CLVS1: variants seen among roughly 807,000 people sequenced by gnomAD.
CLVS1 encodes clavesin 1.
CLVS1 carries 10 observed loss-of-function variants against 33.1 expected under a neutral mutation model. The observed-to-expected ratio is 0.30, with a 90% confidence interval of 0.19 to 0.51. CLVS1 has a LOEUF of 0.51. Among genes scored for constraint, CLVS1 ranks in the 20% least tolerant of loss-of-function variants. The pLI is 0.97. For synonymous variants in CLVS1, 163 were observed against 166.1 expected, an observed-to-expected ratio of 0.98 and a Z score of 0.14; for missense variants, 343 against 433.4, an observed-to-expected ratio of 0.79 and a Z score of 1.85.
At chr8:61,197,610 C>A (rs558999200) in intron 2 of CLVS1, among the ~76,000 whole-genome samples, 1 of 152,142 alleles carries the variant, frequency 6.6e-6, no homozygotes, top group Non-Finnish European at 1.5e-5. Flanking sequence ...ACCTCCACCT[C>A]CTGGGTTCAA....
At chr8:60,976,181 T>A in the CLVS1 span, among the ~76,000 whole-genome samples, 1 of 152,226 alleles carries the variant, frequency 6.6e-6, no homozygotes, top group Non-Finnish European at 1.5e-5. Context: ...AAGGAATTTT[T>A]AAAGAATATC....
intron 3 of CLVS1, among the ~76,000 whole-genome samples, chr8:61,384,636 A>G (rs1458158104): frequency 6.6e-6 from 1 of 152,118 alleles, no homozygotes; most frequent in African/African-American, 2.4e-5. Flanking sequence ...AGCATTTTTT[A>G]GGGGTTAGAT....
chr8:61,162,293 T>C (rs1239729497), intron 2 of CLVS1, among the ~76,000 whole-genome samples: 1 of 152,266 alleles, frequency 6.6e-6, no homozygotes, highest in African/African-American at 2.4e-5. Context: ...ACTTGTGTGT[T>C]AATAAATTTG....
At chr8:61,037,391 A>G in the CLVS1 span, among the ~76,000 whole-genome samples, 2 of 152,128 alleles carry the variant, frequency 1.3e-5, no homozygotes, top group African/African-American at 4.8e-5. Flanking sequence ...ATTATTCATC[A>G]TTTGTGACTG....
chr8:61,190,559 C>A (rs1056715505), intron 2 of CLVS1, among the ~76,000 whole-genome samples: 2 of 152,074 alleles, frequency 1.3e-5, no homozygotes, highest in Non-Finnish European at 2.9e-5. Context: ...CACAAACATC[C>A]CTTCAAAAAA....
intron 2 of CLVS1, among the ~76,000 whole-genome samples, chr8:61,208,076 C>T (rs140933158): frequency 1.3e-5 from 2 of 152,264 alleles, no homozygotes; most frequent in Non-Finnish European, 1.5e-5. Flanking sequence ...CACCTTTTCT[C>T]AACGAGTCTT....
At chr8:61,284,379 C>T (rs1809734461), upstream of CLVS1, among the ~76,000 whole-genome samples, 1 of 152,110 alleles carries the variant, frequency 6.6e-6, no homozygotes, top group African/African-American at 2.4e-5. Flanking sequence ...ATTGAATGTT[C>T]TCATCACAAA....
chr8:61,395,225 G>A (rs1341212239), intron 3 of CLVS1, among the ~76,000 whole-genome samples: 1 of 152,268 alleles, frequency 6.6e-6, no homozygotes, highest in East Asian at 1.9e-4. Flanking sequence ...AATATCATAT[G>A]AAGTCACATG....
At chr8:61,274,961 A>G (rs1809533922) in intron 2 of CLVS1, among the ~76,000 whole-genome samples, 1 of 152,194 alleles carries the variant, frequency 6.6e-6, no homozygotes, top group East Asian at 1.9e-4. Context: ...CTCTCTGGTG[A>G]TGCAAAGAAT....
intron 3 of CLVS1, among the ~76,000 whole-genome samples, chr8:61,418,610 C>T (rs983683703): frequency 9.2e-5 from 14 of 152,216 alleles, no homozygotes; most frequent in Middle Eastern, 3.4e-3. Flanking sequence ...ACAATATATA[C>T]ATTATTCTGA....
In CLVS1 at chr8:61,482,367, G is replaced by C. The variant is rs144351041; in HGVS notation, c.978-17088G>C. ...ATGGAGAATGACTTTGATGAGTTGA[G>C]AGAAGAAGGCTTCAGATAATCCATA... On this transcript the variant is annotated intron_variant, in intron 5 of 5. Coordinates refer to ENST00000325897, the MANE Select transcript of CLVS1 (RefSeq NM_173519.3). 2.4e-3 allele frequency among the ~76,000 whole-genome samples: 370 copies of C among 152,370 alleles called. 1 individual carries two copies. The highest frequency in any genetic ancestry group is 8.6e-3 in the African/African-American group (356 of 41,584).
intron 2 of CLVS1, among the ~76,000 whole-genome samples, chr8:61,248,570 T>G (rs1808866111): frequency 6.6e-6 from 1 of 152,264 alleles, no homozygotes; most frequent in East Asian, 1.9e-4. Flanking sequence ...GGATTGCCTT[T>G]CTGATTGGGC....
In CLVS1 at chr8:61,382,575, G is replaced by C. The variant is rs556721955; in HGVS notation, c.630+5796G>C. 4.6e-5 allele frequency among the ~76,000 whole-genome samples: 7 copies of C among 152,322 alleles called. No homozygotes were observed. In the South Asian group the frequency reaches 1.4e-3, roughly 32 times the overall value. On this transcript the variant is annotated intron_variant, in intron 3 of 5. Coordinates refer to ENST00000325897, the MANE Select transcript of CLVS1 (RefSeq NM_173519.3). ...TCGGGTGATTTGCATGCATATTAAA[G>C]TTTGAGAAGCCCTGCCCTAACACAT...
intron 5 of CLVS1, among the ~76,000 whole-genome samples, chr8:61,489,132 A>G (rs1438664007): frequency 1.3e-5 from 2 of 152,234 alleles, no homozygotes; most frequent in Admixed American, 6.5e-5. Flanking sequence ...CTTTTTTCTC[A>G]ATAATGATCT....
chr8:61,021,183 G>C, the CLVS1 span, among the ~76,000 whole-genome samples: 1 of 152,178 alleles, frequency 6.6e-6, no homozygotes, highest in Non-Finnish European at 1.5e-5. Flanking sequence ...AAATCTGACT[G>C]AGAAACTGAG....
intron 2 of CLVS1, among the ~76,000 whole-genome samples, chr8:61,144,996 G>T (rs1320200943): frequency 3.3e-5 from 5 of 152,206 alleles, no homozygotes; most frequent in African/African-American, 1.2e-4. Flanking sequence ...CTCCCAAAGT[G>T]CTGGGATTAC....
intron 1 of CLVS1, among the ~76,000 whole-genome samples, chr8:61,091,231 T>A (rs539238593): frequency 2.0e-4 from 31 of 152,302 alleles, no homozygotes; most frequent in African/African-American, 7.2e-4. Flanking sequence ...AGCCAAGGCA[T>A]GTCAGCAGCC....
intron 1 of CLVS1, among the ~76,000 whole-genome samples, chr8:61,086,035 CAAAAAAAAAAAAAAAAAAAAAAAA>C (rs4033854): frequency 3.6e-3 from 111 of 31,252 alleles, no homozygotes; most frequent in South Asian, 5.7e-3. Context: ...GACTCCCTCT[CAAAAAAAAAAAAAAAAAAAAAAAA>C]AAAAAAAAAA....
intron 3 of CLVS1, among the ~76,000 whole-genome samples, chr8:61,434,925 A>G (rs1816263952): frequency 6.6e-6 from 1 of 152,238 alleles, no homozygotes; most frequent in Non-Finnish European, 1.5e-5. Flanking sequence ...TTTGCAGGGC[A>G]ATATCAAGAT....
Sources: gnomAD v4.1 joint callset for allele counts (sites outside exome capture counted in the v4.1 genomes callset) on GRCh38, gnomAD v4.1.1 for gene constraint, MANE v1.5 for transcripts, NCBI Gene and HGNC (gene_info 2026-07-23, HGNC 2026-07-21) for gene names.